Variants in MPHOSPH10 observed in about 807,000 individuals in gnomAD.
MPHOSPH10 encodes the protein U3 small nucleolar ribonucleoprotein MPP10.
A neutral mutation model predicts 77.3 loss-of-function variants in MPHOSPH10; 33 were observed. The observed-to-expected ratio is 0.43, with a 90% CI of 0.32 to 0.57. The LOEUF (loss-of-function observed/expected upper bound fraction) is 0.57, where lower values mean the gene tolerates loss of function less well. Ranked by LOEUF, MPHOSPH10 falls within the 20% of genes least tolerant of loss-of-function variation. The probability of loss-of-function intolerance (pLI) is 0.07; values close to 1 mark genes in which losing one functional copy is unlikely to be tolerated. For missense variants in MPHOSPH10, 708 were observed against 780.1 expected, an observed-to-expected ratio of 0.91 and a Z score of 1.10; for synonymous variants, 245 against 268.0, an observed-to-expected ratio of 0.91 and a Z score of 0.84.
intron 8 of MPHOSPH10, among the ~76,000 whole-genome samples, chr2:71,145,752 C>T (rs925644926): frequency 1.3e-5 from 2 of 152,072 alleles, no homozygotes; most frequent in Non-Finnish European, 2.9e-5. Flanking sequence ...CTTTGGTCTC[C>T]CTTGGCTTGC....
intron 4 of MPHOSPH10, among the ~76,000 whole-genome samples, chr2:71,137,386 C>T (rs555701610): frequency 2.6e-5 from 4 of 152,162 alleles, no homozygotes; most frequent in South Asian, 2.1e-4. Context: ...CTGCCAGGTG[C>T]GGTGGCTCAT....
intron 7 of MPHOSPH10, among the ~76,000 whole-genome samples, chr2:71,142,795 A>G (rs1324126670): frequency 2.0e-5 from 3 of 152,206 alleles, no homozygotes; most frequent in African/African-American, 7.2e-5. Flanking sequence ...GATGATGGAC[A>G]TTGGAAACAG....
chr2:71,149,818 C>T (rs757930661), intron 10 of MPHOSPH10, 48 bp from the exon 11 acceptor site: 1 of 1,478,244 alleles, frequency 6.8e-7, no homozygotes, highest in Non-Finnish European at 9.0e-7. Context: ...GCTTTTTTCA[C>T]TTATAAGTAC....
chr2:71,130,866 G>A, intron 1 of MPHOSPH10, 112 bp downstream of exon 1: 1 of 1,023,052 alleles, frequency 9.8e-7, no homozygotes, highest in Non-Finnish European at 1.4e-6. Flanking sequence ...ACGTAAAATC[G>A]CTTTTCCCCA....
In MPHOSPH10 at chr2:71,133,479, A is replaced by C. The variant is rs1456540616; in HGVS notation, c.671A>C (p.Lys224Thr). Residue 224 changes from lysine (K) to threonine (T), a missense_variant, in exon 2 of 11, where the codon AAA (lysine) becomes ACA (threonine). Transcript: ENST00000244230. ...LENIEKEEER[K>T]DDNDEEEEDI... ...AACATAGAAAAAGAAGAGGAACGAA[A>C]AGATGATAATGATGAGGAGGAGGAA... The C allele has an allele frequency of 6.2e-7, 1 of 1,613,956 alleles. No homozygotes were observed. Among genetic ancestry groups the C allele is most frequent in the Admixed American group, 1.7e-5 (1 of 60,008 alleles).
chr2:71,149,102 C>T (rs1414512350), intron 9 of MPHOSPH10, 121 bp from the exon 10 acceptor site: 15 of 843,172 alleles, frequency 1.8e-5, no homozygotes, highest in Non-Finnish European at 1.8e-6. Flanking sequence ...TGCTCTGCAT[C>T]TTTGTGCATT....
At position 71,130,836 on chromosome 2, in the gene MPHOSPH10, C is replaced by G; in HGVS notation, c.89+82C>G. 5 of 1,328,688 alleles carry G rather than the reference C, an allele frequency of 3.8e-6. 1 individual carries two copies. The South Asian group carries it at 6.4e-5, about 17-fold the overall frequency. 82.3% of individuals were successfully genotyped at this position (1,328,688 alleles called of 1,614,324 possible). A position where few individuals can be genotyped will look rare whatever the true frequency, so the allele number is the denominator to read the frequency against. On this transcript the variant is annotated intron_variant, in intron 1 of 10. Coordinates refer to ENST00000244230, the MANE Select transcript of MPHOSPH10 (RefSeq NM_005791.3). ...TGCAGGCCTCCGGCAAATTGTGGAG[C>G]TGGGGGAAGGTAAGGGGAAACGTAA...
At position 71,149,465 on chromosome 2, in the gene MPHOSPH10, G is replaced by A; in HGVS notation, c.1896+12G>A. 6.2e-7 allele frequency: 1 copy of A among 1,606,036 alleles called. No homozygotes were observed. On this transcript the variant is annotated intron_variant, in intron 10 of 10. Transcript: ENST00000244230. ...CTTCCTTCATAAAGGTAAGGACAAGGGAAAGAAAACTGCTCAAGGGGACCT... is the reference window on the plus strand; with the variant it reads ...CTTCCTTCATAAAGGTAAGGACAAGAGAAAGAAAACTGCTCAAGGGGACCT...
intron 7 of MPHOSPH10, 21 bp from the exon 8 acceptor site, chr2:71,144,407 T>C (rs889489459): frequency 1.0e-5 from 16 of 1,560,674 alleles, no homozygotes; most frequent in Non-Finnish European, 1.3e-5. Flanking sequence ...TAGTTTGACA[T>C]TGTTGAACTT....
At chr2:71,137,895 G>A (rs357760) in intron 4 of MPHOSPH10, among the ~76,000 whole-genome samples, 45,102 of 151,912 alleles carry the variant, frequency 0.3, 6,851 homozygotes, top group Admixed American at 0.39. Context: ...GCTCACGCCT[G>A]TAATCCCAGC....
intron 7 of MPHOSPH10, among the ~76,000 whole-genome samples, chr2:71,142,790 T>C (rs561806057): frequency 6.6e-6 from 1 of 152,306 alleles, no homozygotes; most frequent in Non-Finnish European, 1.5e-5. Flanking sequence ...GTGCTGATGA[T>C]GGACATTGGA....
intron 7 of MPHOSPH10, among the ~76,000 whole-genome samples, chr2:71,141,753 G>A (rs1340162824): frequency 6.6e-6 from 1 of 152,088 alleles, no homozygotes. Flanking sequence ...CTCTGGGCTG[G>A]GTATGGTGGC....
At chr2:71,147,953 T>TA (rs1673750041) in intron 8 of MPHOSPH10, 46 bp from the exon 9 acceptor site, 2 of 1,440,660 alleles carry the variant, frequency 1.4e-6, no homozygotes, top group African/African-American at 1.4e-5. Context: ...CATTTTGTGT[T>TA]AGAGTCCCTT....
intron 8 of MPHOSPH10, 68 bp downstream of exon 8, chr2:71,144,606 G>A: frequency 8.8e-7 from 1 of 1,140,524 alleles, no homozygotes. Flanking sequence ...TCCTTTGTGA[G>A]ACTAGCTCTT....
intron 8 of MPHOSPH10, among the ~76,000 whole-genome samples, chr2:71,147,636 G>A: frequency 6.6e-6 from 1 of 151,848 alleles, no homozygotes; most frequent in Non-Finnish European, 1.5e-5. Flanking sequence ...TAGCGCCAGT[G>A]CACTCCAGCC....
rs775386676 is a variant in MPHOSPH10 at position 71,134,619 on chromosome 2, A to C, written c.927-7A>C. 1 of 1,587,160 alleles carries C rather than the reference A, an allele frequency of 6.3e-7. No individual in the cohort carries two copies. The highest frequency in any genetic ancestry group is 8.5e-7 in the Non-Finnish European group (1 of 1,171,270). On this transcript the variant is annotated splice_polypyrimidine_tract_variant and splice_region_variant and intron_variant, in intron 3 of 10. Coordinates refer to ENST00000244230, the MANE Select transcript of MPHOSPH10 (RefSeq NM_005791.3). ...TATTTCTTTTTATAAGAGTTTTGGT[A>C]TTGTAGGGATGAAGATGATGACCTT...
chr2:71,133,856 T>C (rs1159537212), intron 2 of MPHOSPH10, 92 bp from the exon 3 acceptor site: 3 of 947,846 alleles, frequency 3.2e-6, no homozygotes, highest in Non-Finnish European at 4.5e-6. Flanking sequence ...CAGAAAGTAA[T>C]ATATACATAC....
rs532400562 is a variant in MPHOSPH10, at chr2:71,138,871, C to T, written c.1240+240C>T. The T allele has an allele frequency of 9.8e-6, 6 of 614,524 alleles. No homozygotes were observed. The East Asian group carries it at 1.6e-4, about 17-fold the overall frequency. The allele number at this position is 614,524 out of a possible 1,614,324, so 38.1% of individuals were successfully genotyped here. A position where few individuals can be genotyped will look rare whatever the true frequency, so the allele number is the denominator to read the frequency against. On this transcript the variant is annotated intron_variant, in intron 5 of 10. Coordinates refer to ENST00000244230, the MANE Select transcript of MPHOSPH10 (RefSeq NM_005791.3). ...CCAACATGGTGAAACCCCGTCTCTACTAAAAATACAAAAATCAGCCAGATA... is the reference window on the plus strand; with the variant it reads ...CCAACATGGTGAAACCCCGTCTCTATTAAAAATACAAAAATCAGCCAGATA...
In MPHOSPH10 at chr2:71,136,034, C is replaced by T. The variant is rs192841683; in HGVS notation, c.1098+1237C>T. On this transcript the variant is annotated intron_variant, in intron 4 of 10. Coordinates refer to ENST00000244230, the MANE Select transcript of MPHOSPH10 (RefSeq NM_005791.3). ...CCACCTATGTCTTTAAGGTGCTCCA[C>T]AGATTTTTGTGAGTGCCAAATAGCC... Among the ~76,000 whole-genome samples, 1,022 of 152,250 alleles carry T rather than the reference C, an allele frequency of 6.7e-3. 24 individuals are homozygous for T. Among genetic ancestry groups the T allele is most frequent in the Non-Finnish European group, 4.5e-3 (304 of 68,034 alleles).
Sources: allele counts gnomAD v4.1 joint callset (sites outside exome capture counted in the v4.1 genomes callset), GRCh38; gene constraint gnomAD v4.1.1; transcripts MANE v1.5; gene names NCBI Gene and HGNC (gene_info 2026-07-23, HGNC 2026-07-21).